Variants in HKDC1 observed in about 807,000 individuals in gnomAD.
The protein encoded by HKDC1 is hexokinase domain containing 1.
Under a neutral mutation model 96.6 loss-of-function variants are expected in HKDC1, and 66 were observed. That is an observed-to-expected ratio of 0.68 (90% CI 0.56 to 0.84). The LOEUF is 0.84. HKDC1 is among the 40% of genes least tolerant of loss of function. The pLI is 0.00. For missense variants in HKDC1, 1,211 were observed against 1,208.1 expected (o/e 1.00, Z -0.04); for synonymous variants, 466 against 473.1 (o/e 0.98, Z 0.20).
At chr10:69,251,819 A>G (rs1843647824) in intron 12 of HKDC1, among the ~76,000 whole-genome samples, 1 of 149,166 alleles carries the variant, frequency 6.7e-6, no homozygotes, top group East Asian at 2.0e-4. Context: ...GAGTACACTG[A>G]TGTGATCTCA....
At chr10:69,265,260 G>A (rs1028324372) in intron 16 of HKDC1, 2 of 312,370 alleles carry the variant, frequency 6.4e-6, no homozygotes, top group Admixed American at 1.1e-4. Context: ...CTAGCAGGCT[G>A]AGCCACAGCC....
At chr10:69,262,255 C>T (rs1843821630) in intron 16 of HKDC1, 1 of 182,378 alleles carries the variant, frequency 5.5e-6, no homozygotes, top group African/African-American at 2.4e-5. Flanking sequence ...TAAACTTTCC[C>T]TTTAATATAG....
At chr10:69,224,345 G>A (rs777395744) in intron 1 of HKDC1, among the ~76,000 whole-genome samples, 20 of 152,082 alleles carry the variant, frequency 1.3e-4, no homozygotes, top group East Asian at 3.9e-4. Context: ...GTGCAGTGGC[G>A]CGATCTCGGC....
In HKDC1 at chr10:69,247,447, T is replaced by C. The variant is rs563041413; in HGVS notation, c.1119T>C (p.His373=). ...AGGCTGACTGCATTGCCGTCCAGCA[T>C]GTCTGTACCATCGTCTCCTTCCGCT... is the stretch of plus-strand genomic sequence containing the variant. ...PSEADCIAVQ[H]VCTIVSFRSA... is the part of the protein sequence containing the mutation. Residue 373 remains histidine (H), a synonymous_variant, in exon 9 of 18, where the codon CAT becomes CAC. Transcript: ENST00000354624. The C allele has an allele frequency of 6.2e-7, 1 of 1,614,040 alleles. No individual in the cohort carries two copies. The highest frequency in any genetic ancestry group is 1.3e-5 in the African/African-American group (1 of 74,892).
Position 69,257,049 on chromosome 10 carries a change from G to C in HKDC1, c.1850G>C (p.Gly617Ala), listed in dbSNP as rs779530620. 1.2e-6 allele frequency: 2 copies of C among 1,613,776 alleles called. No homozygotes were observed. The highest frequency in any genetic ancestry group is 1.7e-6 in the Non-Finnish European group (2 of 1,179,818). Residue 617 changes from glycine (G) to alanine (A), a missense_variant, in exon 13 of 18, where the codon GGG (glycine) becomes GCG (alanine). Transcript: ENST00000354624. Reference protein sequence around the residue: ...QMSIDKGTLIGWTKGFKATDC... With the variant: ...QMSIDKGTLIAWTKGFKATDC... Reference sequence around the variant, plus strand: ...CCTTTCTTTCAGGGAACACTCATAGGGTGGACCAAAGGTTTCAAGGCCACT... The same window carrying C: ...CCTTTCTTTCAGGGAACACTCATAGCGTGGACCAAAGGTTTCAAGGCCACT...
chr10:69,259,068 G>A (rs543922784), intron 15 of HKDC1, 109 bp downstream of exon 15: 37 of 826,870 alleles, frequency 4.5e-5, no homozygotes, highest in African/African-American at 4.0e-4. Context: ...TACAGCTGTC[G>A]AATGTCAGTG....
chr10:69,242,437 A>AAAC (rs1554867741), intron 6 of HKDC1, among the ~76,000 whole-genome samples: 65 of 148,900 alleles, frequency 4.4e-4, no homozygotes, highest in African/African-American at 1.5e-3. Flanking sequence ...AAGAAAAAAA[A>AAAC]AAAAAAAAAA....
At chr10:69,225,123 C>A (rs1402417533) in intron 1 of HKDC1, among the ~76,000 whole-genome samples, 7 of 152,194 alleles carry the variant, frequency 4.6e-5, no homozygotes, top group Non-Finnish European at 1.5e-5. Flanking sequence ...TGCTCAATGA[C>A]CCCATTAAAC....
chr10:69,245,973 C>A, intron 7 of HKDC1, 106 bp from the exon 8 acceptor site: 1 of 1,382,828 alleles, frequency 7.2e-7, no homozygotes, highest in South Asian at 1.3e-5. Context: ...CTTAGCTCAG[C>A]CCTCTCCCAT....
At chr10:69,222,313 TAG>T (rs1003251696) in intron 1 of HKDC1, among the ~76,000 whole-genome samples, 1 of 152,238 alleles carries the variant, frequency 6.6e-6, no homozygotes, top group African/African-American at 2.4e-5. Context: ...TCTATTCATT[TAG>T]AGAGTTGAGT....
chr10:69,266,780 T>C lies in HKDC1; in HGVS notation c.*23T>C. 1 of 1,608,386 alleles carries C rather than the reference T, an allele frequency of 6.2e-7. No homozygotes were observed. Among genetic ancestry groups the C allele is most frequent in the South Asian group, 1.1e-5 (1 of 89,854 alleles). On this transcript the variant is annotated 3_prime_UTR_variant, in exon 18 of 18. Coordinates refer to ENST00000354624, the MANE Select transcript of HKDC1 (RefSeq NM_025130.4). Reference sequence around the variant, plus strand: ...TAGGAACCCCTGGGATTGGACCTGATGCATCTTGGATACTGAACAGCTTTT... The same window carrying C: ...TAGGAACCCCTGGGATTGGACCTGACGCATCTTGGATACTGAACAGCTTTT...
intron 16 of HKDC1, 86 bp from the exon 17 acceptor site, chr10:69,265,499 C>G: frequency 3.4e-6 from 4 of 1,174,284 alleles, no homozygotes; most frequent in Non-Finnish European, 5.0e-6. Flanking sequence ...GTAAGGGCAT[C>G]TAAGAATGGG....
chr10:69,239,378 C>T (rs1843417769), intron 5 of HKDC1, among the ~76,000 whole-genome samples: 1 of 152,212 alleles, frequency 6.6e-6, no homozygotes, highest in African/African-American at 2.4e-5. Context: ...CCAGCTCATC[C>T]CTGGGCCTCC....
At position 69,243,467 on chromosome 10, in the gene HKDC1, C is replaced by A. The variant is rs190065116; in HGVS notation, c.875+102C>A. 2.3e-5 allele frequency: 21 copies of A among 924,016 alleles called. No homozygotes were observed. The African/African-American group carries it at 3.5e-4, about 15-fold the overall frequency. The allele number at this position is 924,016 out of a possible 1,614,324, so 57.2% of individuals were successfully genotyped here. ...AGGCTTTCCAGTTGTGACTAGCTAT[C>A]CATCACAACTTTCTTTCTTTTTTTC... On this transcript the variant is annotated intron_variant, in intron 7 of 17. Transcript: ENST00000354624.
rs201838744 is a variant in HKDC1, at chr10:69,235,549, GTA to G, written c.495+2418_495+2419del. Among the ~76,000 whole-genome samples, 478 of 152,316 alleles carry G rather than the reference GTA, an allele frequency of 3.1e-3. 3 individuals carry two copies. Among genetic ancestry groups the G allele is most frequent in the African/African-American group, 0.011 (456 of 41,562 alleles). On this transcript the variant is annotated intron_variant, in intron 4 of 17. Coordinates refer to ENST00000354624, the MANE Select transcript of HKDC1 (RefSeq NM_025130.4). The stretch of plus-strand genomic sequence containing the variant: ...AAAGGTCCTAGGAGTGAGTAGATGT[GTA>G]TGTCAGGGGGTTGGGAATCAGGGCC...
intron 6 of HKDC1, among the ~76,000 whole-genome samples, chr10:69,241,659 AT>A (rs1843458777): frequency 1.3e-5 from 2 of 151,818 alleles, no homozygotes. Context: ...AATTTTTTGT[AT>A]TTTTAGTACA....
intron 16 of HKDC1, chr10:69,261,605 G>A (rs1484898360): frequency 4.1e-6 from 1 of 242,150 alleles, no homozygotes. Flanking sequence ...GAAATATAAG[G>A]ATTCTTAATA....
chr10:69,257,024 C>T lies in HKDC1; in HGVS notation c.1837-12C>T. ...ACTATTGCTCAAATGAATTTCCCCT[C>T]CTTTCTTTCAGGGAACACTCATAGG... On this transcript the variant is annotated splice_polypyrimidine_tract_variant and intron_variant, in intron 12 of 17. Coordinates refer to ENST00000354624, the MANE Select transcript of HKDC1 (RefSeq NM_025130.4). 1 of 1,603,428 alleles carries T rather than the reference C, an allele frequency of 6.2e-7. No homozygotes were observed. The highest frequency in any genetic ancestry group is 8.5e-7 in the Non-Finnish European group (1 of 1,170,230).
At chr10:69,253,083 G>A (rs1843669431) in intron 12 of HKDC1, among the ~76,000 whole-genome samples, 1 of 151,968 alleles carries the variant, frequency 6.6e-6, no homozygotes, top group African/African-American at 2.4e-5. Context: ...ATTTTTAATT[G>A]GGAAGCTAAG....
Sources: gnomAD v4.1 joint callset for allele counts (sites outside exome capture counted in the v4.1 genomes callset) on GRCh38, gnomAD v4.1.1 for gene constraint, MANE v1.5 for transcripts, NCBI Gene and HGNC (gene_info 2026-07-23, HGNC 2026-07-21) for gene names.